MYRIP: variants seen among roughly 807,000 people sequenced by gnomAD.
MYRIP encodes the protein myosin VIIA and Rab interacting protein, also known as rab effector MyRIP.
Under a neutral mutation model 98.0 loss-of-function variants are expected in MYRIP, and 49 were observed. The ratio of observed to expected loss-of-function variants is 0.50; its 90% CI spans 0.40 to 0.63. MYRIP has a LOEUF of 0.63. Ranked by LOEUF, MYRIP falls within the 30% of genes least tolerant of loss-of-function variation. The probability of loss-of-function intolerance (pLI) is 0.00; values close to 1 mark genes in which losing one functional copy is unlikely to be tolerated. For missense variants in MYRIP, 1,004 were observed against 1,058.2 expected (o/e 0.95, Z 0.71); for synonymous variants, 404 against 409.5 (o/e 0.99, Z 0.16).
At chr3:39,938,920 C>T (rs1424415845) in intron 2 of MYRIP, among the ~76,000 whole-genome samples, 1 of 152,098 alleles carries the variant, frequency 6.6e-6, no homozygotes, top group Non-Finnish European at 1.5e-5. Flanking sequence ...GAGTTTGAGC[C>T]CTCTTGGCCT....
chr3:40,134,174 T>C (rs1949709911), intron 3 of MYRIP, among the ~76,000 whole-genome samples: 1 of 152,168 alleles, frequency 6.6e-6, no homozygotes, highest in African/African-American at 2.4e-5. Context: ...GAAAATCCCG[T>C]TACTCCCACC....
At chr3:40,254,938 CCTTCCT>C (rs1258822411) in intron 16 of MYRIP, among the ~76,000 whole-genome samples, 2 of 152,168 alleles carry the variant, frequency 1.3e-5, no homozygotes, top group African/African-American at 4.8e-5. Context: ...CCCATTCCTC[CCTTCCT>C]CTTCCTCCCT....
At chr3:40,146,116 C>T (rs767369244) in intron 3 of MYRIP, among the ~76,000 whole-genome samples, 20 of 152,130 alleles carry the variant, frequency 1.3e-4, no homozygotes, top group Non-Finnish European at 2.2e-4. Context: ...ATTACTTAAT[C>T]ATAGAGAATT....
Position 39,863,158 on chromosome 3 carries a change from T to A in MYRIP, c.-30-37629T>A, listed in dbSNP as rs79953710. ...ACAATCATAGGGACACAGCTAAAGC[T>A]GTGTTAAGAGGGAAGTTTATGGCAC... On this transcript the variant is annotated intron_variant, in intron 1 of 16. Transcript: ENST00000302541. Among the ~76,000 whole-genome samples, 1,108 of 152,104 alleles carry A rather than the reference T, an allele frequency of 7.3e-3. 20 individuals are homozygous for A. Among genetic ancestry groups the A allele is most frequent in the East Asian group, 0.044 (226 of 5,160 alleles).
intron 1 of MYRIP, among the ~76,000 whole-genome samples, chr3:39,822,258 AG>A (rs1941123093): frequency 6.6e-6 from 1 of 152,320 alleles, no homozygotes; most frequent in African/African-American, 2.4e-5. Flanking sequence ...TGATCAGATC[AG>A]GGTAATTTGC....
At chr3:40,162,596 C>G (rs2125590049) in intron 4 of MYRIP, 134 bp from the exon 5 acceptor site, 1 of 706,538 alleles carries the variant, frequency 1.4e-6, no homozygotes, top group South Asian at 1.8e-5. Context: ...CTCATGAGTC[C>G]CTAAACCTAT....
chr3:39,819,458 G>A (rs1184071750), intron 1 of MYRIP, among the ~76,000 whole-genome samples: 1 of 152,158 alleles, frequency 6.6e-6, no homozygotes, highest in East Asian at 1.9e-4. Context: ...ACACCTGTTC[G>A]GGAGAACCAG....
intron 2 of MYRIP, among the ~76,000 whole-genome samples, chr3:40,036,960 C>T (rs777433481): frequency 3.3e-5 from 5 of 151,602 alleles, no homozygotes; most frequent in Non-Finnish European, 5.9e-5. Context: ...TAAAGCTAAC[C>T]ACTAAAAGAA....
chr3:39,834,263 T>A (rs1309760148), intron 1 of MYRIP, among the ~76,000 whole-genome samples: 1 of 152,240 alleles, frequency 6.6e-6, no homozygotes, highest in East Asian at 1.9e-4. Flanking sequence ...TTTGAACTTT[T>A]AAAAATATTG....
chr3:40,189,629 C>A (rs1951144016), intron 9 of MYRIP, among the ~76,000 whole-genome samples, 197 bp from the exon 10 acceptor site: 1 of 152,174 alleles, frequency 6.6e-6, no homozygotes, highest in Admixed American at 6.5e-5. Context: ...GCACTGGGAC[C>A]CTTTGAGCTT....
At chr3:40,204,047 AAT>A (rs1386827409) in intron 10 of MYRIP, among the ~76,000 whole-genome samples, 1 of 7,138 alleles carries the variant, frequency 1.4e-4, no homozygotes, top group African/African-American at 3.3e-4. Flanking sequence ...TATTATATAT[AAT>A]ATATTTATAT....
At chr3:39,967,104 T>C (rs1185530472) in intron 2 of MYRIP, among the ~76,000 whole-genome samples, 1 of 152,216 alleles carries the variant, frequency 6.6e-6, no homozygotes, top group African/African-American at 2.4e-5. Flanking sequence ...AAATGTAAAT[T>C]ACTCTTTTTT....
intron 2 of MYRIP, among the ~76,000 whole-genome samples, chr3:39,936,322 C>T (rs1215701943): frequency 6.6e-6 from 1 of 152,174 alleles, no homozygotes; most frequent in South Asian, 2.1e-4. Context: ...GAAACACTAG[C>T]CTTGGCTCTA....
At chr3:40,199,732 C>T (rs116828504) in intron 10 of MYRIP, among the ~76,000 whole-genome samples, 1,621 of 152,216 alleles carry the variant, frequency 0.011, 12 homozygotes, top group Middle Eastern at 0.034. Context: ...TCTTTTTAGG[C>T]ATAGAGGATT....
At chr3:40,233,248 C>T (rs952522369) in intron 11 of MYRIP, among the ~76,000 whole-genome samples, 40 of 152,298 alleles carry the variant, frequency 2.6e-4, no homozygotes, top group African/African-American at 9.1e-4. Context: ...TTTTCCTGTT[C>T]ACCCCCATGG....
intron 3 of MYRIP, among the ~76,000 whole-genome samples, chr3:40,067,722 T>C (rs916903800): frequency 6.6e-6 from 1 of 151,822 alleles, no homozygotes; most frequent in African/African-American, 2.4e-5. Context: ...AACTTCTGTT[T>C]CTGGTACGCA....
At chr3:39,909,674 A>G (rs1053628139) in intron 2 of MYRIP, among the ~76,000 whole-genome samples, 7 of 152,258 alleles carry the variant, frequency 4.6e-5, no homozygotes, top group Non-Finnish European at 8.8e-5. Context: ...CATAGGTCTG[A>G]GCAGCAGGGA....
At chr3:39,946,131 C>T (rs1944896088) in intron 2 of MYRIP, among the ~76,000 whole-genome samples, 2 of 151,972 alleles carry the variant, frequency 1.3e-5, no homozygotes, top group Admixed American at 1.3e-4. Context: ...TAAAATGACA[C>T]AGAAAGATCA....
intron 2 of MYRIP, among the ~76,000 whole-genome samples, chr3:39,936,656 C>T (rs185151251): frequency 6.6e-6 from 1 of 152,140 alleles, no homozygotes; most frequent in Admixed American, 6.5e-5. Context: ...GCAGAGCATG[C>T]AAATACAGCA....
Sources: allele counts gnomAD v4.1 joint callset (sites outside exome capture counted in the v4.1 genomes callset), GRCh38; gene constraint gnomAD v4.1.1; transcripts MANE v1.5; gene names NCBI Gene and HGNC (gene_info 2026-07-23, HGNC 2026-07-21).